Variants in PDZD2 observed in about 807,000 individuals in gnomAD.
PDZD2 encodes the protein PDZ domain containing 2.
In PDZD2, 90 loss-of-function variants were observed where a neutral mutation model predicts 220.7. The ratio of observed to expected loss-of-function variants is 0.41; its 90% CI spans 0.34 to 0.49. PDZD2 has a LOEUF of 0.49. Among genes scored for constraint, PDZD2 ranks in the 20% least tolerant of loss-of-function variants. The pLI is 0.28. For missense variants in PDZD2, 3,174 were observed against 3,608.5 expected, an observed-to-expected ratio of 0.88 and a Z score of 3.08; for synonymous variants, 1,375 against 1,450.5, an observed-to-expected ratio of 0.95 and a Z score of 1.18.
intron 2 of PDZD2, among the ~76,000 whole-genome samples, chr5:31,832,044 G>C (rs931909908): frequency 6.6e-6 from 1 of 152,006 alleles, no homozygotes; most frequent in African/African-American, 2.4e-5. Context: ...ACTTTTAGTA[G>C]GTTTTTGTTT....
chr5:31,916,105 C>T (rs965165251), intron 2 of PDZD2, among the ~76,000 whole-genome samples: 17 of 152,132 alleles, frequency 1.1e-4, no homozygotes, highest in South Asian at 2.1e-4. Flanking sequence ...TTGTTTTTAA[C>T]GCTGGAATTT....
At chr5:31,846,132 G>T (rs1029788153) in intron 2 of PDZD2, among the ~76,000 whole-genome samples, 6 of 152,118 alleles carry the variant, frequency 3.9e-5, no homozygotes, top group East Asian at 1.9e-4. Flanking sequence ...TGTTTGTTTG[G>T]TTGGTTGGTT....
At chr5:31,681,583 T>C (rs1746651724) in intron 1 of PDZD2, among the ~76,000 whole-genome samples, 1 of 151,750 alleles carries the variant, frequency 6.6e-6, no homozygotes, top group Non-Finnish European at 1.5e-5. Context: ...TATATATGTA[T>C]AATATAATAT....
At chr5:31,733,297 G>C (rs967960695) in intron 1 of PDZD2, among the ~76,000 whole-genome samples, 2 of 152,158 alleles carry the variant, frequency 1.3e-5, no homozygotes, top group East Asian at 3.9e-4. Flanking sequence ...ACCGTATTTA[G>C]CATGCATCAA....
chr5:32,052,181 T>C (rs751249728), intron 8 of PDZD2, among the ~76,000 whole-genome samples: 5 of 152,250 alleles, frequency 3.3e-5, no homozygotes, highest in Non-Finnish European at 7.3e-5. Flanking sequence ...AGTCTCACTC[T>C]GTTGCCCAGG....
intron 2 of PDZD2, among the ~76,000 whole-genome samples, chr5:31,871,180 G>A (rs1203393715): frequency 1.3e-5 from 2 of 152,080 alleles, no homozygotes; most frequent in Admixed American, 6.6e-5. Context: ...GATCTTAAGT[G>A]TATCATATTT....
intron 19 of PDZD2, among the ~76,000 whole-genome samples, chr5:32,086,202 C>T (rs1742431892): frequency 2.0e-5 from 3 of 152,158 alleles, no homozygotes; most frequent in Non-Finnish European, 2.9e-5. Context: ...CTCTTGAGCT[C>T]GGCACTTGGA....
intron 1 of PDZD2, among the ~76,000 whole-genome samples, chr5:31,710,159 G>A (rs1748022104): frequency 6.6e-6 from 1 of 152,062 alleles, no homozygotes; most frequent in South Asian, 2.1e-4. Flanking sequence ...AAAAATAACT[G>A]GTCCACGAAA....
intron 2 of PDZD2, among the ~76,000 whole-genome samples, chr5:31,943,766 T>C (rs1302205988): frequency 6.6e-6 from 1 of 152,222 alleles, no homozygotes; most frequent in African/African-American, 2.4e-5. Context: ...CTCTCTTTAT[T>C]CCTTTTGCGC....
At chr5:31,741,881 A>G (rs926148864) in intron 1 of PDZD2, 4 of 152,222 alleles carry the variant, frequency 2.6e-5, no homozygotes, top group Non-Finnish European at 4.4e-5. Flanking sequence ...TGACTAGTGA[A>G]ATCTTAACCC....
At chr5:31,843,282 T>C (rs1757420792) in intron 2 of PDZD2, 1 of 151,926 alleles carries the variant, frequency 6.6e-6, no homozygotes, top group South Asian at 2.1e-4. Context: ...TTTTTTTTTT[T>C]TTTAGATGGA....
intron 1 of PDZD2, among the ~76,000 whole-genome samples, chr5:31,777,297 C>A (rs916301640): frequency 2.6e-4 from 39 of 152,332 alleles, no homozygotes; most frequent in African/African-American, 9.1e-4. Context: ...CTGGCCCGCC[C>A]GCACTGTGCT....
At chr5:32,049,713 A>G (rs774265341) in intron 8 of PDZD2, among the ~76,000 whole-genome samples, 1 of 152,218 alleles carries the variant, frequency 6.6e-6, no homozygotes, top group Non-Finnish European at 1.5e-5. Context: ...GAGAATAACA[A>G]GTGCCCATGT....
At chr5:32,071,357 C>A in intron 15 of PDZD2, 27 bp from the exon 16 acceptor site, 2 of 1,560,514 alleles carry the variant, frequency 1.3e-6, no homozygotes, top group Non-Finnish European at 1.8e-6. Flanking sequence ...ATTGTTTTGA[C>A]AATATGGTGA....
chr5:31,819,394 C>A (rs1274356849), intron 2 of PDZD2, among the ~76,000 whole-genome samples: 4 of 152,206 alleles, frequency 2.6e-5, no homozygotes, highest in African/African-American at 9.6e-5. Flanking sequence ...TGGTGGCCCA[C>A]ACTTGTAATC....
chr5:32,040,019 GCCC>G (rs1755923805), intron 7 of PDZD2, among the ~76,000 whole-genome samples: 1 of 146,966 alleles, frequency 6.8e-6, no homozygotes, highest in Non-Finnish European at 1.5e-5. Flanking sequence ...CTGCCTGGCC[GCCC>G]AGTCTAGGAG....
chr5:31,840,711 C>A, intron 2 of PDZD2: 2 of 770,460 alleles, frequency 2.6e-6, no homozygotes, highest in Non-Finnish European at 4.7e-6. Context: ...CACATTAATT[C>A]TCTTGGCAAG....
chr5:32,016,565 G>A (rs143340688), intron 6 of PDZD2, among the ~76,000 whole-genome samples: 4 of 152,270 alleles, frequency 2.6e-5, no homozygotes, highest in East Asian at 3.9e-4. Context: ...TATGGGGAGC[G>A]CATGTTCTTC....
intron 7 of PDZD2, among the ~76,000 whole-genome samples, chr5:32,042,822 C>A (rs910556241): frequency 6.6e-6 from 1 of 152,102 alleles, no homozygotes. Flanking sequence ...GTCACAAGGG[C>A]ACAGAGGAGG....
Sources: allele counts gnomAD v4.1 joint callset (sites outside exome capture counted in the v4.1 genomes callset), GRCh38; gene constraint gnomAD v4.1.1; transcripts MANE v1.5; gene names NCBI Gene and HGNC (gene_info 2026-07-23, HGNC 2026-07-21).